ZFAND3: variants seen among roughly 807,000 people sequenced by gnomAD.
The protein encoded by ZFAND3 is AN1-type zinc finger protein 3.
ZFAND3 carries 10 observed loss-of-function variants against 29.6 expected under a neutral mutation model. The observed-to-expected ratio is 0.34, with a 90% CI of 0.21 to 0.57. The LOEUF is 0.57. Among genes scored for constraint, ZFAND3 ranks in the 20% least tolerant of loss-of-function variants. The probability of loss-of-function intolerance (pLI) is 0.86; values close to 1 mark genes in which losing one functional copy is unlikely to be tolerated. For missense variants in ZFAND3, 230 were observed against 304.5 expected (o/e 0.76, Z 1.82); for synonymous variants, 128 against 112.6 (o/e 1.14, Z -0.87).
intron 2 of ZFAND3, among the ~76,000 whole-genome samples, chr6:37,965,419 C>T (rs574150620): frequency 6.6e-6 from 1 of 152,200 alleles, no homozygotes; most frequent in East Asian, 1.9e-4. Context: ...GGGAAAATAC[C>T]CCAACCATTT....
At chr6:38,068,428 G>A (rs1019875205) in intron 3 of ZFAND3, among the ~76,000 whole-genome samples, 2 of 152,198 alleles carry the variant, frequency 1.3e-5, no homozygotes, top group African/African-American at 2.4e-5. Context: ...GGTAGTTGCT[G>A]TGGAGACCCA....
At chr6:37,926,727 T>C (rs1279384940) in intron 1 of ZFAND3, among the ~76,000 whole-genome samples, 1 of 152,150 alleles carries the variant, frequency 6.6e-6, no homozygotes, top group Non-Finnish European at 1.5e-5. Flanking sequence ...TCAATAAGAG[T>C]AGTTTCACTG....
intron 1 of ZFAND3, among the ~76,000 whole-genome samples, chr6:37,904,064 C>G (rs181205925): frequency 6.6e-6 from 1 of 152,286 alleles, no homozygotes; most frequent in Admixed American, 6.5e-5. Flanking sequence ...TTGAAAATTG[C>G]TTTATAATGG....
chr6:38,087,427 G>A (rs889644455), intron 4 of ZFAND3, among the ~76,000 whole-genome samples: 32 of 152,282 alleles, frequency 2.1e-4, no homozygotes, highest in African/African-American at 7.2e-4. Context: ...GAAAATATTT[G>A]CAAACTACTC....
chr6:38,077,117 C>CTT (rs531841469), intron 3 of ZFAND3, among the ~76,000 whole-genome samples: 51 of 139,518 alleles, frequency 3.7e-4, no homozygotes, highest in Non-Finnish European at 4.9e-4. Context: ...TTATTTTGTC[C>CTT]TTTTTTTTTT....
rs1766272270 is a variant in ZFAND3, at chr6:38,153,220, G to C, written c.*831G>C. On this transcript the variant is annotated 3_prime_UTR_variant, in exon 6 of 6. Coordinates refer to ENST00000287218, the MANE Select transcript of ZFAND3 (RefSeq NM_021943.3). ...TGGCGAATGGCAGCACAGCGCGGTG[G>C]CTGGGTCTGCACACTGGCCTCTGCA... 3.0e-6 allele frequency: 3 copies of C among 985,510 alleles called. No individual in the cohort carries two copies. The highest frequency in any genetic ancestry group is 3.6e-6 in the Non-Finnish European group (3 of 829,958). The allele number at this position is 985,510 out of a possible 1,614,324, so 61.0% of individuals were successfully genotyped here. A position where few individuals can be genotyped will look rare whatever the true frequency, so the allele number is the denominator to read the frequency against.
intron 5 of ZFAND3, chr6:38,142,310 C>G: frequency 2.1e-6 from 1 of 471,490 alleles, no homozygotes; most frequent in South Asian, 1.5e-5. Flanking sequence ...GCCCCCTGAC[C>G]ACGTTGCCAC....
intron 2 of ZFAND3, among the ~76,000 whole-genome samples, chr6:38,048,621 CA>C (rs70981521): frequency 1.8e-5 from 1 of 56,268 alleles, no homozygotes; most frequent in African/African-American, 8.7e-5. Flanking sequence ...GACTCCGTCT[CA>C]AAAAAAAAAA....
chr6:37,874,680 G>C (rs1764760610), intron 1 of ZFAND3, among the ~76,000 whole-genome samples: 1 of 152,130 alleles, frequency 6.6e-6, no homozygotes, highest in Non-Finnish European at 1.5e-5. Flanking sequence ...AACATATCTT[G>C]TTTTTGTTGC....
chr6:37,926,394 G>A (rs1039897662), intron 1 of ZFAND3, among the ~76,000 whole-genome samples: 9 of 152,150 alleles, frequency 5.9e-5, no homozygotes, highest in African/African-American at 2.2e-4. Flanking sequence ...AGCTTCTGGG[G>A]GCTGCCCCAG....
chr6:37,872,176 G>A (rs1208646995), intron 1 of ZFAND3, among the ~76,000 whole-genome samples: 1 of 152,148 alleles, frequency 6.6e-6, no homozygotes, highest in Non-Finnish European at 1.5e-5. Context: ...ACCTAACGTG[G>A]CTTACGTAGG....
intron 4 of ZFAND3, among the ~76,000 whole-genome samples, chr6:38,106,959 A>C (rs1765223170): frequency 6.6e-6 from 1 of 152,202 alleles, no homozygotes; most frequent in African/African-American, 2.4e-5. Flanking sequence ...TATTTTTACA[A>C]ATGAACATTC....
At chr6:38,090,098 C>CAAATTTGGGAGG (rs1358772611) in intron 4 of ZFAND3, among the ~76,000 whole-genome samples, 3 of 152,272 alleles carry the variant, frequency 2.0e-5, no homozygotes, top group Non-Finnish European at 4.4e-5. Context: ...AGTAATCTGC[C>CAAATTTGGGAGG]CACCTTGGCC....
In ZFAND3 at chr6:37,989,224, G is replaced by A. The variant is rs77938180; in HGVS notation, c.112+59225G>A. Among the ~76,000 whole-genome samples the A allele has an allele frequency of 1.1e-3, 161 of 152,250 alleles. 2 individuals carry two copies. Among genetic ancestry groups the A allele is most frequent in the African/African-American group, 3.7e-3 (153 of 41,564 alleles). The stretch of plus-strand genomic sequence containing the variant: ...TGCCCAGCCTAGCTGAACATTTAAG[G>A]TATACCAGGTACTATCCTAGCATAG... On this transcript the variant is annotated intron_variant, in intron 2 of 5. Transcript: ENST00000287218.
At chr6:38,139,896 A>G (rs544304846) in intron 5 of ZFAND3, among the ~76,000 whole-genome samples, 3 of 152,354 alleles carry the variant, frequency 2.0e-5, no homozygotes, top group East Asian at 3.9e-4. Flanking sequence ...CCCTGGAAAA[A>G]AAGATTCTGG....
At position 38,028,424 on chromosome 6, in the gene ZFAND3, A is replaced by G. The variant is rs529329913; in HGVS notation, c.113-33169A>G. Among the ~76,000 whole-genome samples the G allele has an allele frequency of 1.0e-4, 14 of 140,102 alleles. No individual in the cohort carries two copies. The East Asian group carries it at 2.1e-3, about 21-fold the overall frequency. The allele number at this position is 140,102 out of a possible 152,430, so 91.9% of individuals were successfully genotyped here. On this transcript the variant is annotated intron_variant, in intron 2 of 5. Coordinates refer to ENST00000287218, the MANE Select transcript of ZFAND3 (RefSeq NM_021943.3). ...TTTTTAGAAATACTCTATTCCCCTC[A>G]CATTATCTTTTTTTTTTTAAGTGTC...
intron 5 of ZFAND3, among the ~76,000 whole-genome samples, chr6:38,144,211 A>ATATTATATATAT (rs70981524): frequency 2.2e-5 from 1 of 45,880 alleles, no homozygotes; most frequent in South Asian, 6.0e-4. Flanking sequence ...ATATATATAT[A>ATATTATATATAT]ATATATAATA....
chr6:37,922,761 A>G (rs937249593), intron 1 of ZFAND3, among the ~76,000 whole-genome samples: 2 of 152,184 alleles, frequency 1.3e-5, no homozygotes, highest in Non-Finnish European at 2.9e-5. Context: ...GGTGTGGTAA[A>G]AATGTGGCAT....
chr6:38,070,558 A>G (rs1423759378), intron 3 of ZFAND3, among the ~76,000 whole-genome samples: 3 of 152,062 alleles, frequency 2.0e-5, no homozygotes, highest in East Asian at 1.9e-4. Flanking sequence ...ATAATATTCT[A>G]TATTGCCCTT....
Sources: gnomAD v4.1 joint callset for allele counts (sites outside exome capture counted in the v4.1 genomes callset) on GRCh38, gnomAD v4.1.1 for gene constraint, MANE v1.5 for transcripts, NCBI Gene and HGNC (gene_info 2026-07-23, HGNC 2026-07-21) for gene names.